Variants in FGF12 observed in about 807,000 individuals in gnomAD.
FGF12 encodes fibroblast growth factor 12B.
FGF12 carries 14 observed loss-of-function variants against 23.6 expected under a neutral mutation model. That is an observed-to-expected ratio of 0.59 (90% CI 0.39 to 0.93). The LOEUF (loss-of-function observed/expected upper bound fraction) is 0.93, where lower values mean the gene tolerates loss of function less well. FGF12 is among the 40% of genes least tolerant of loss of function. The pLI, the probability that FGF12 is intolerant of heterozygous loss-of-function variation, is 0.00. For missense variants in FGF12, 175 were observed against 217.8 expected (o/e 0.80, Z 1.24); for synonymous variants, 62 against 77.3 (o/e 0.80, Z 1.04).
At position 192,408,658 on chromosome 3, in the gene FGF12, T is replaced by C; in HGVS notation, c.14-48120A>G. The C allele has an allele frequency of 2.9e-6, 3 of 1,019,878 alleles. No individual in the cohort carries two copies. The highest frequency in any genetic ancestry group is 3.5e-6 in the Non-Finnish European group (3 of 851,490). 63.2% of individuals were successfully genotyped at this position (1,019,878 alleles called of 1,614,324 possible). On this transcript the variant is annotated intron_variant, in intron 2 of 5. Coordinates refer to ENST00000445105, the MANE Select transcript of FGF12 (RefSeq NM_004113.6). The surrounding 1 kb of genome is among the most constrained non-coding windows in gnomAD (Gnocchi z 7.3). ...TTGGAGAGGCGCAAGCGTTGTAAGG[T>C]GTCCAAAGTATACCTACACATACAT... is the stretch of plus-strand genomic sequence containing the variant.
intron 2 of FGF12, among the ~76,000 whole-genome samples, chr3:192,437,091 A>T (rs1246719465): frequency 6.6e-6 from 1 of 152,170 alleles, no homozygotes; most frequent in Non-Finnish European, 1.5e-5. Flanking sequence ...AAGGTCTTGC[A>T]GCAAGAGAAG....
rs148836730 is a variant in FGF12, at chr3:192,217,508, C to T, written c.229-46852G>A. ...CTCTTTATTAGAGAGCAAAGAGGAA[C>T]GTAGACAACAAAATAAAAACACATG... On this transcript the variant is annotated intron_variant, in intron 4 of 5. Transcript: ENST00000445105. Among the ~76,000 whole-genome samples, 523 of 152,168 alleles carry T rather than the reference C, an allele frequency of 3.4e-3. 5 individuals are homozygous for T. Among genetic ancestry groups the T allele is most frequent in the Middle Eastern group, 0.017 (5 of 294 alleles).
At chr3:192,269,159 C>T (rs932050427) in intron 4 of FGF12, among the ~76,000 whole-genome samples, 2 of 120,944 alleles carry the variant, frequency 1.7e-5, no homozygotes, top group Non-Finnish European at 3.4e-5. Context: ...AAGTGATCCA[C>T]CAGCCTTGTC....
At chr3:192,155,180 G>C (rs908190678) in intron 5 of FGF12, among the ~76,000 whole-genome samples, 8 of 148,510 alleles carry the variant, frequency 5.4e-5, no homozygotes, top group Admixed American at 6.7e-5. Context: ...GCTCGCGCAC[G>C]GTGCGCGCAC....
intron 4 of FGF12, among the ~76,000 whole-genome samples, chr3:192,325,432 A>G (rs964258172): frequency 4.6e-4 from 70 of 152,264 alleles, no homozygotes; most frequent in African/African-American, 1.5e-3. Context: ...TTCTCTATTT[A>G]GGCATCATTA....
At chr3:192,390,051 T>C (rs1720227393) in intron 2 of FGF12, among the ~76,000 whole-genome samples, 1 of 152,136 alleles carries the variant, frequency 6.6e-6, no homozygotes, top group South Asian at 2.1e-4. Flanking sequence ...TGTCCATGGG[T>C]TTTCCTTCCT....
chr3:192,501,547 A>C (rs933185676), intron 2 of FGF12, among the ~76,000 whole-genome samples: 8 of 152,240 alleles, frequency 5.3e-5, no homozygotes, highest in African/African-American at 1.9e-4. Flanking sequence ...ATCTAGGGCT[A>C]GTTAGCGTAA....
intron 2 of FGF12, among the ~76,000 whole-genome samples, chr3:192,582,345 AG>A (rs1713191776): frequency 6.6e-6 from 1 of 152,120 alleles, no homozygotes. Flanking sequence ...CCTATAAAGG[AG>A]GGGAACTCTA....
At chr3:192,353,785 T>G (rs1181996660) in intron 3 of FGF12, among the ~76,000 whole-genome samples, 1 of 152,202 alleles carries the variant, frequency 6.6e-6, no homozygotes, top group Non-Finnish European at 1.5e-5. Context: ...GGGTAAGCCA[T>G]TCAAGAAAAT....
At chr3:192,270,625 T>C (rs1224541132) in intron 4 of FGF12, among the ~76,000 whole-genome samples, 5 of 152,154 alleles carry the variant, frequency 3.3e-5, no homozygotes, top group Admixed American at 3.3e-4. Context: ...ACGTTATGTA[T>C]CCTTCACTAT....
At chr3:192,186,706 A>G (rs953566386) in intron 4 of FGF12, among the ~76,000 whole-genome samples, 9 of 152,220 alleles carry the variant, frequency 5.9e-5, no homozygotes, top group African/African-American at 1.9e-4. Flanking sequence ...TAAAATAAAG[A>G]ACTGCGTTGG....
intron 2 of FGF12, among the ~76,000 whole-genome samples, chr3:192,593,132 A>G (rs1713694582): frequency 6.6e-6 from 1 of 151,856 alleles, no homozygotes; most frequent in Non-Finnish European, 1.5e-5. Context: ...TTTCCCCTTC[A>G]TTCTTAATAA....
intron 4 of FGF12, among the ~76,000 whole-genome samples, chr3:192,190,538 G>T (rs376283664): frequency 2.8e-5 from 4 of 140,722 alleles, no homozygotes; most frequent in South Asian, 4.5e-4. Context: ...TGCAGTGGCG[G>T]GATCTCGGCT....
chr3:192,578,631 G>C (rs1713010870), intron 2 of FGF12, among the ~76,000 whole-genome samples: 1 of 151,740 alleles, frequency 6.6e-6, no homozygotes, highest in Non-Finnish European at 1.5e-5. Flanking sequence ...CCAAGTAATA[G>C]ATATTCTTCT....
At chr3:192,269,139 T>G (rs1219546383) in intron 4 of FGF12, among the ~76,000 whole-genome samples, 1 of 143,438 alleles carries the variant, frequency 7.0e-6, no homozygotes, top group Non-Finnish European at 1.5e-5. Flanking sequence ...GGTCTCAAAT[T>G]CCTGACCTCA....
At chr3:192,509,550 T>C (rs1200059033) in intron 2 of FGF12, among the ~76,000 whole-genome samples, 1 of 152,216 alleles carries the variant, frequency 6.6e-6, no homozygotes, top group African/African-American at 2.4e-5. Context: ...TAGAAAGGAA[T>C]GACTGAGTTT....
chr3:192,694,944 A>G (rs1718066598), intron 2 of FGF12, among the ~76,000 whole-genome samples: 1 of 152,132 alleles, frequency 6.6e-6, no homozygotes, highest in Non-Finnish European at 1.5e-5. Context: ...GTAGAGATCT[A>G]GTGTACAGCA....
At chr3:192,539,439 A>T (rs1725311381) in intron 2 of FGF12, among the ~76,000 whole-genome samples, 1 of 152,206 alleles carries the variant, frequency 6.6e-6, no homozygotes. Context: ...ATAATGCATC[A>T]CATTGATTGA....
At chr3:192,159,622 T>A (rs1714749911) in intron 5 of FGF12, among the ~76,000 whole-genome samples, 1 of 152,170 alleles carries the variant, frequency 6.6e-6, no homozygotes, top group African/African-American at 2.4e-5. Flanking sequence ...AATAGAATAA[T>A]TTTTCCAAAC....
Sources: gnomAD v4.1 joint callset for allele counts (sites outside exome capture counted in the v4.1 genomes callset) on GRCh38, gnomAD v4.1.1 for gene constraint, Gnocchi (gnomAD v3.1) non-coding constraint, MANE v1.5 for transcripts, NCBI Gene and HGNC (gene_info 2026-07-23, HGNC 2026-07-21) for gene names.